The following LINGO2 variants were observed in gnomAD, a reference collection of about 807,000 sequenced individuals.
LINGO2 encodes leucine rich repeat and Ig domain containing 2.
A neutral mutation model predicts 30.6 loss-of-function variants in LINGO2; 14 were observed. The ratio of observed to expected loss-of-function variants is 0.46; its 90% confidence interval spans 0.30 to 0.72. The LOEUF is 0.72. Among genes scored for constraint, LINGO2 ranks in the 30% least tolerant of loss-of-function variants. The pLI, the probability that LINGO2 is intolerant of heterozygous loss-of-function variation, is 0.07. For missense variants in LINGO2, 729 were observed against 751.7 expected, an observed-to-expected ratio of 0.97 and a Z score of 0.35; for synonymous variants, 317 against 288.5, an observed-to-expected ratio of 1.10 and a Z score of -1.00.
At chr9:28,368,346 T>G (rs1411007136) in intron 3 of LINGO2, among the ~76,000 whole-genome samples, 1 of 152,174 alleles carries the variant, frequency 6.6e-6, no homozygotes, top group Non-Finnish European at 1.5e-5. Context: ...AATAAAGCAC[T>G]GAACTTTTTG....
At chr9:28,607,906 C>CA (rs1345108239) in intron 1 of LINGO2, among the ~76,000 whole-genome samples, 1 of 151,980 alleles carries the variant, frequency 6.6e-6, no homozygotes, top group Non-Finnish European at 1.5e-5. Flanking sequence ...CCAGAAACAA[C>CA]AAACAACTGG....
intron 3 of LINGO2, among the ~76,000 whole-genome samples, chr9:28,298,670 C>T (rs1428478566): frequency 7.3e-6 from 1 of 136,746 alleles, no homozygotes; most frequent in Non-Finnish European, 1.6e-5. Flanking sequence ...GCAACAAGAG[C>T]AAAACTCTGT....
the LINGO2 span, among the ~76,000 whole-genome samples, chr9:29,212,308 G>A: frequency 2.0e-5 from 3 of 151,786 alleles, no homozygotes; most frequent in Non-Finnish European, 4.4e-5. Flanking sequence ...TCACCCCGCC[G>A]CCTCCTGGCG....
At chr9:27,996,926 A>C (rs1587646507) in intron 5 of LINGO2, among the ~76,000 whole-genome samples, 1 of 152,242 alleles carries the variant, frequency 6.6e-6, no homozygotes, top group African/African-American at 2.4e-5. Flanking sequence ...TAAAGAGCCC[A>C]ATAAATGCTT....
At chr9:28,898,510 T>G in the LINGO2 span, among the ~76,000 whole-genome samples, 1 of 152,156 alleles carries the variant, frequency 6.6e-6, no homozygotes, top group Non-Finnish European at 1.5e-5. Flanking sequence ...TATCGAGGTT[T>G]TCCGTCAGCC....
At chr9:28,870,211 C>T in the LINGO2 span, among the ~76,000 whole-genome samples, 44 of 152,156 alleles carry the variant, frequency 2.9e-4, no homozygotes, top group East Asian at 8.5e-3. Flanking sequence ...TTTCGAGGCA[C>T]TGCTTTTTCA....
At chr9:28,222,688 C>T (rs1053484210) in intron 4 of LINGO2, among the ~76,000 whole-genome samples, 6 of 152,138 alleles carry the variant, frequency 3.9e-5, no homozygotes, top group South Asian at 2.1e-4. Flanking sequence ...ATTCCAAATG[C>T]GCACAAAACA....
At chr9:28,496,076 C>T (rs984433959) in intron 1 of LINGO2, among the ~76,000 whole-genome samples, 2 of 151,242 alleles carry the variant, frequency 1.3e-5, no homozygotes, top group African/African-American at 4.9e-5. Flanking sequence ...TGCTTTACTT[C>T]CAACTATGTA....
At chr9:28,020,981 G>C (rs565367465) in intron 4 of LINGO2, among the ~76,000 whole-genome samples, 6 of 152,124 alleles carry the variant, frequency 3.9e-5, no homozygotes, top group Non-Finnish European at 7.4e-5. Context: ...TCATTTCAAA[G>C]AACCAGCTTT....
the LINGO2 span, among the ~76,000 whole-genome samples, chr9:29,205,895 C>G: frequency 1.3e-4 from 20 of 152,148 alleles, no homozygotes; most frequent in African/African-American, 4.8e-4. Flanking sequence ...ACTCACCAAC[C>G]CCACTGCCAG....
the LINGO2 span, among the ~76,000 whole-genome samples, chr9:29,022,990 A>AAAG: frequency 6.6e-6 from 1 of 151,864 alleles, no homozygotes; most frequent in South Asian, 2.1e-4. Flanking sequence ...AAAAAAAAAA[A>AAAG]AGAGAGAAAT....
chr9:28,478,906 A>ATATTG (rs1366925494), intron 1 of LINGO2, among the ~76,000 whole-genome samples: 2 of 152,042 alleles, frequency 1.3e-5, no homozygotes, highest in Admixed American at 6.5e-5. Context: ...TATTTGAGCT[A>ATATTG]ACTTCTGCAC....
chr9:28,287,954 AT>A (rs927459025), intron 4 of LINGO2, among the ~76,000 whole-genome samples: 15 of 152,218 alleles, frequency 9.9e-5, no homozygotes, highest in Non-Finnish European at 1.9e-4. Context: ...TTTAGTCAGC[AT>A]TTAACAGAGA....
chr9:28,856,856 G>C, the LINGO2 span, among the ~76,000 whole-genome samples: 1 of 151,982 alleles, frequency 6.6e-6, no homozygotes, highest in African/African-American at 2.4e-5. Flanking sequence ...TGGCTAAACT[G>C]ATGATAGTAG....
intron 5 of LINGO2, among the ~76,000 whole-genome samples, chr9:27,956,694 G>A (rs764715042): frequency 1.3e-5 from 2 of 151,992 alleles, no homozygotes; most frequent in Non-Finnish European, 2.9e-5. Context: ...ATTCAAGTCC[G>A]TGACCCATTT....
intron 4 of LINGO2, among the ~76,000 whole-genome samples, chr9:28,026,577 A>G (rs1823385476): frequency 6.6e-6 from 1 of 152,344 alleles, no homozygotes; most frequent in Middle Eastern, 3.4e-3. Context: ...GGGGACCCCA[A>G]GTTATAAAGC....
chr9:27,997,457 C>T (rs1821725838), intron 5 of LINGO2, among the ~76,000 whole-genome samples: 1 of 152,174 alleles, frequency 6.6e-6, no homozygotes, highest in Non-Finnish European at 1.5e-5. Flanking sequence ...GGCCCTGCTC[C>T]TACAAGCTGT....
At chr9:28,261,247 T>C (rs1227976315) in intron 4 of LINGO2, among the ~76,000 whole-genome samples, 1 of 151,960 alleles carries the variant, frequency 6.6e-6, no homozygotes, top group African/African-American at 2.4e-5. Context: ...GATGCAGAAT[T>C]AGAGAATTAA....
At chr9:29,147,919 A>C in the LINGO2 span, among the ~76,000 whole-genome samples, 1 of 152,108 alleles carries the variant, frequency 6.6e-6, no homozygotes, top group African/African-American at 2.4e-5. Flanking sequence ...TTCTTTAGTG[A>C]TTCATTGGCC....
Sources: gnomAD v4.1 joint callset for allele counts (sites outside exome capture counted in the v4.1 genomes callset) on GRCh38, gnomAD v4.1.1 for gene constraint, MANE v1.5 for transcripts, NCBI Gene and HGNC (gene_info 2026-07-23, HGNC 2026-07-21) for gene names.